DNER: variants seen among roughly 807,000 people sequenced by gnomAD.
DNER encodes delta and Notch-like epidermal growth factor-related receptor.
In DNER, 33 loss-of-function variants were observed where a neutral mutation model predicts 78.2. The observed-to-expected ratio is 0.42, with a 90% confidence interval of 0.32 to 0.56. The LOEUF is 0.56. Among genes scored for constraint, DNER ranks in the 20% least tolerant of loss-of-function variants. DNER has a pLI of 0.11. For missense variants in DNER, 918 were observed against 975.3 expected (o/e 0.94, Z 0.78); for synonymous variants, 417 against 384.8 (o/e 1.08, Z -0.98).
intron 1 of DNER, among the ~76,000 whole-genome samples, chr2:229,646,004 T>C (rs1401999468): frequency 6.6e-6 from 1 of 152,206 alleles, no homozygotes; most frequent in Non-Finnish European, 1.5e-5. Context: ...CTTCAGCCAC[T>C]TTGCCGGGAG....
intron 10 of DNER, among the ~76,000 whole-genome samples, chr2:229,400,840 A>T (rs1288081303): frequency 6.6e-6 from 1 of 152,050 alleles, no homozygotes; most frequent in Non-Finnish European, 1.5e-5. Flanking sequence ...CTTTGGAAGG[A>T]AGTCACTTCC....
intron 4 of DNER, among the ~76,000 whole-genome samples, chr2:229,575,482 G>A (rs1201759763): frequency 6.6e-6 from 1 of 152,180 alleles, no homozygotes; most frequent in African/African-American, 2.4e-5. Flanking sequence ...AACTTTTAGT[G>A]CTCAAAGAAA....
chr2:229,679,761 G>C (rs1699356273), intron 1 of DNER, among the ~76,000 whole-genome samples: 1 of 152,016 alleles, frequency 6.6e-6, no homozygotes, highest in South Asian at 2.1e-4. Flanking sequence ...TTGCTCACTG[G>C]GATTGTCATT....
At chr2:229,586,580 T>C in intron 3 of DNER, 1 of 550,394 alleles carries the variant, frequency 1.8e-6, no homozygotes, top group Non-Finnish European at 2.2e-6. Flanking sequence ...GAGAATAGGA[T>C]GTCACAGAAA....
intron 1 of DNER, among the ~76,000 whole-genome samples, chr2:229,605,659 T>C (rs1223563612): frequency 1.3e-5 from 2 of 152,156 alleles, no homozygotes; most frequent in East Asian, 1.9e-4. Context: ...ACTATGTGAA[T>C]TGTTAGTGTA....
chr2:229,401,042 G>T (rs930272063), intron 10 of DNER, among the ~76,000 whole-genome samples: 1 of 151,960 alleles, frequency 6.6e-6, no homozygotes, highest in Non-Finnish European at 1.5e-5. Flanking sequence ...TTCTTCACAG[G>T]ATATGCAGAT....
intron 11 of DNER, among the ~76,000 whole-genome samples, chr2:229,382,115 C>G (rs1692751802): frequency 6.6e-6 from 1 of 152,176 alleles, no homozygotes; most frequent in Non-Finnish European, 1.5e-5. Flanking sequence ...TGGTGATACC[C>G]AGGCAAATGG....
At chr2:229,458,398 A>ACAGAAAT (rs1363867234) in intron 7 of DNER, among the ~76,000 whole-genome samples, 2 of 152,042 alleles carry the variant, frequency 1.3e-5, no homozygotes, top group African/African-American at 4.8e-5. Context: ...AGCAAGAGAA[A>ACAGAAAT]CAGAAATTAT....
chr2:229,430,609 C>T (rs1419999305), intron 8 of DNER, among the ~76,000 whole-genome samples: 2 of 151,950 alleles, frequency 1.3e-5, no homozygotes, highest in East Asian at 1.9e-4. Flanking sequence ...TTTTGGAACT[C>T]GGACTGGCTC....
chr2:229,534,083 G>A (rs1485507192), intron 5 of DNER, among the ~76,000 whole-genome samples: 1 of 152,200 alleles, frequency 6.6e-6, no homozygotes, highest in Non-Finnish European at 1.5e-5. Context: ...AGACATTATA[G>A]ATCGTAATAG....
chr2:229,657,201 AT>A (rs11306405), intron 1 of DNER, among the ~76,000 whole-genome samples: 80,273 of 151,708 alleles, frequency 0.53, 21,419 homozygotes, highest in Non-Finnish European at 0.55. Flanking sequence ...TGTGAGTTTG[AT>A]TTTTTTAGAC....
chr2:229,384,163 G>T (rs1283256538), intron 11 of DNER, among the ~76,000 whole-genome samples: 3 of 152,144 alleles, frequency 2.0e-5, no homozygotes, highest in Non-Finnish European at 4.4e-5. Flanking sequence ...AATGACTACT[G>T]GGTAAATAAC....
Position 229,627,430 on chromosome 2 carries a change from T to C in DNER, c.277-35542A>G, listed in dbSNP as rs553448778. 1.9e-4 allele frequency among the ~76,000 whole-genome samples: 29 copies of C among 152,370 alleles called. 1 individual carries two copies. The highest frequency in any genetic ancestry group is 6.7e-4 in the African/African-American group (28 of 41,590). ...ATTAATAAAGACTTTTCCTAATTTT[T>C]ATAAAAGCTTAACCACTTGGTACCC... On this transcript the variant is annotated intron_variant, in intron 1 of 12. Coordinates refer to ENST00000341772, the MANE Select transcript of DNER (RefSeq NM_139072.4).
At chr2:229,465,883 C>T (rs1259741536) in intron 7 of DNER, among the ~76,000 whole-genome samples, 1 of 151,972 alleles carries the variant, frequency 6.6e-6, no homozygotes, top group Non-Finnish European at 1.5e-5. Flanking sequence ...CCCAATAGCA[C>T]CCCCGTATAT....
chr2:229,675,178 A>G (rs111947825), intron 1 of DNER, among the ~76,000 whole-genome samples: 1,690 of 152,290 alleles, frequency 0.011, 18 homozygotes, highest in Middle Eastern at 0.058. Flanking sequence ...AGAAGCCTCC[A>G]AAGACACCTT....
In DNER at chr2:229,439,127, A is replaced by AGTT. The variant is rs1260708636; in HGVS notation, c.1486+8186_1486+8188dup. ...TTTGCCCAGCATCTGGCACTTAAATAGTTATCACCGGAGTCACAGAAAGCC... is the reference window on the plus strand; with the variant it reads ...TTTGCCCAGCATCTGGCACTTAAATAGTTGTTATCACCGGAGTCACAGAAAGCC... On this transcript the variant is annotated intron_variant, in intron 8 of 12. Transcript: ENST00000341772. 4.6e-5 allele frequency among the ~76,000 whole-genome samples: 7 copies of AGTT among 152,348 alleles called. No homozygotes were observed. The East Asian group carries it at 1.4e-3, about 29-fold the overall frequency.
chr2:229,388,560 G>A (rs1692948869), intron 10 of DNER, among the ~76,000 whole-genome samples, 164 bp from the exon 11 acceptor site: 1 of 129,430 alleles, frequency 7.7e-6, no homozygotes, highest in African/African-American at 2.9e-5. Context: ...TTCCAGACGA[G>A]GGATCTTTTA....
chr2:229,585,692 T>C (rs1697482798), intron 4 of DNER, among the ~76,000 whole-genome samples, 166 bp downstream of exon 4: 1 of 151,832 alleles, frequency 6.6e-6, no homozygotes, highest in Non-Finnish European at 1.5e-5. Context: ...AGAAATATTA[T>C]GTTAGAATCC....
intron 1 of DNER, among the ~76,000 whole-genome samples, chr2:229,687,924 C>G (rs1309002361): frequency 6.6e-6 from 1 of 152,168 alleles, no homozygotes; most frequent in Non-Finnish European, 1.5e-5. Flanking sequence ...TCTTCCTGTC[C>G]CCTTGATCTG....
Sources: gnomAD v4.1 joint callset for allele counts (sites outside exome capture counted in the v4.1 genomes callset) on GRCh38, gnomAD v4.1.1 for gene constraint, MANE v1.5 for transcripts, NCBI Gene and HGNC (gene_info 2026-07-23, HGNC 2026-07-21) for gene names.